Variants in SRPK2 observed in about 807,000 individuals in gnomAD.
SRPK2 encodes SFRS protein kinase 2.
Under a neutral mutation model 90.8 loss-of-function variants are expected in SRPK2, and 21 were observed. The observed-to-expected ratio is 0.23, with a 90% CI of 0.16 to 0.33. SRPK2 has a LOEUF of 0.33. Among genes scored for constraint, SRPK2 ranks in the 10% least tolerant of loss-of-function variants. The pLI is 1.00. For missense variants in SRPK2, 620 were observed against 869.0 expected (o/e 0.71, Z 3.60); for synonymous variants, 288 against 311.1 (o/e 0.93, Z 0.78).
At chr7:105,363,993 A>C (rs1017041633) in intron 2 of SRPK2, among the ~76,000 whole-genome samples, 1 of 144,122 alleles carries the variant, frequency 6.9e-6, no homozygotes, top group African/African-American at 2.5e-5. Context: ...ATGAGAACAC[A>C]TGGACACAGG....
chr7:105,348,658 G>C (rs1181202203), intron 2 of SRPK2, among the ~76,000 whole-genome samples: 1 of 150,856 alleles, frequency 6.6e-6, no homozygotes, highest in Non-Finnish European at 1.5e-5. Flanking sequence ...ACTGACCTCA[G>C]GTGATCCAAC....
At chr7:105,346,861 A>AG in intron 2 of SRPK2, among the ~76,000 whole-genome samples, 1 of 151,588 alleles carries the variant, frequency 6.6e-6, no homozygotes, top group African/African-American at 2.4e-5. Flanking sequence ...ATTTGTTAAA[A>AG]AAAAAAAAAA....
At chr7:105,118,474 T>C (rs1017798345) in intron 15 of SRPK2, among the ~76,000 whole-genome samples, 4 of 152,342 alleles carry the variant, frequency 2.6e-5, no homozygotes, top group South Asian at 4.1e-4. Flanking sequence ...CTTGAAGTTA[T>C]ACTTCACAAA....
intron 3 of SRPK2, among the ~76,000 whole-genome samples, chr7:105,182,931 A>G (rs932257132): frequency 2.0e-5 from 3 of 152,342 alleles, no homozygotes; most frequent in African/African-American, 7.2e-5. Flanking sequence ...AGGGGAAAAA[A>G]AAATCATATT....
chr7:105,204,738 G>T, intron 2 of SRPK2: 1 of 675,542 alleles, frequency 1.5e-6, no homozygotes, highest in South Asian at 1.5e-5. Context: ...ATTGTGGTCT[G>T]GTTCTGGTCA....
At chr7:105,175,629 G>C (rs1026211389) in intron 3 of SRPK2, among the ~76,000 whole-genome samples, 4 of 152,114 alleles carry the variant, frequency 2.6e-5, no homozygotes, top group African/African-American at 9.7e-5. Flanking sequence ...TTTCGGGCCA[G>C]GCAGATTGGG....
At chr7:105,377,964 C>T (rs970033604) in intron 2 of SRPK2, among the ~76,000 whole-genome samples, 6 of 152,120 alleles carry the variant, frequency 3.9e-5, no homozygotes, top group Non-Finnish European at 5.9e-5. Context: ...GGCCTCTAAG[C>T]AACTCCCCAC....
At position 105,242,466 on chromosome 7, in the gene SRPK2, C is replaced by T. The variant is rs1257941296; in HGVS notation, c.72-38681G>A. Among the ~76,000 whole-genome samples the T allele has an allele frequency of 1.1e-4, 16 of 152,114 alleles. 2 individuals are homozygous for T. Among genetic ancestry groups the T allele is most frequent in the Admixed American group, 1.0e-3 (16 of 15,270 alleles). On this transcript the variant is annotated intron_variant, in intron 2 of 15. Coordinates refer to ENST00000393651, the MANE Select transcript of SRPK2 (RefSeq NM_182692.3). The stretch of plus-strand genomic sequence containing the variant: ...GGCAGAGGTTGCAGTGAGCCAAGAT[C>T]ACCCCACTGCACTCCAGTCTGGCAA...
intron 2 of SRPK2, among the ~76,000 whole-genome samples, chr7:105,213,300 T>A (rs1298887510): frequency 6.6e-6 from 1 of 152,178 alleles, no homozygotes; most frequent in Non-Finnish European, 1.5e-5. Flanking sequence ...CCAAGCAGCA[T>A]AGAATACGGT....
At chr7:105,275,897 C>A (rs1288695027) in intron 2 of SRPK2, among the ~76,000 whole-genome samples, 1 of 152,132 alleles carries the variant, frequency 6.6e-6, no homozygotes, top group African/African-American at 2.4e-5. Flanking sequence ...TGACTTTTGT[C>A]AAGTGGAAAT....
rs1014795909 is a variant in SRPK2, at chr7:105,278,485, C to T, written c.72-74700G>A. On this transcript the variant is annotated intron_variant, in intron 2 of 15. Transcript: ENST00000393651. ...GGTCCGCAGTTCGAGACCAGCCTGG[C>T]CAACACGGTGAACCCCATCTCTAAT... is the stretch of plus-strand genomic sequence containing the variant. Among the ~76,000 whole-genome samples, 138 of 148,176 alleles carry T rather than the reference C, an allele frequency of 9.3e-4. 1 individual carries two copies. Among genetic ancestry groups the T allele is most frequent in the African/African-American group, 3.2e-3 (130 of 40,066 alleles).
At chr7:105,329,994 C>A (rs945308518) in intron 2 of SRPK2, among the ~76,000 whole-genome samples, 1 of 152,042 alleles carries the variant, frequency 6.6e-6, no homozygotes, top group African/African-American at 2.4e-5. Context: ...GAGATCACGT[C>A]CCGGCACTCC....
chr7:105,134,032 C>G (rs1012270157), intron 11 of SRPK2, among the ~76,000 whole-genome samples: 3 of 152,176 alleles, frequency 2.0e-5, no homozygotes, highest in Admixed American at 6.5e-5. Flanking sequence ...AAACCTCAGA[C>G]TGACCTACAA....
At chr7:105,254,735 G>A (rs915200424) in intron 2 of SRPK2, among the ~76,000 whole-genome samples, 1 of 152,032 alleles carries the variant, frequency 6.6e-6, no homozygotes, top group Non-Finnish European at 1.5e-5. Flanking sequence ...CGTCACCCAG[G>A]CTGGAGTGCA....
chr7:105,314,234 A>C (rs1812057927), intron 2 of SRPK2, among the ~76,000 whole-genome samples: 1 of 151,858 alleles, frequency 6.6e-6, no homozygotes, highest in African/African-American at 2.4e-5. Flanking sequence ...TGGGAGGTTG[A>C]GATATGAAAA....
At chr7:105,188,133 A>C (rs1793823863) in intron 3 of SRPK2, among the ~76,000 whole-genome samples, 2 of 152,288 alleles carry the variant, frequency 1.3e-5, no homozygotes, top group Non-Finnish European at 2.9e-5. Context: ...AATGTATATG[A>C]ACTGCTGTGA....
At chr7:105,303,256 T>C (rs534695395) in intron 2 of SRPK2, among the ~76,000 whole-genome samples, 11 of 152,048 alleles carry the variant, frequency 7.2e-5, no homozygotes, top group South Asian at 2.1e-4. Context: ...TAGGTGGGAA[T>C]TGAACAATGA....
chr7:105,387,715 T>C (rs1045095422), intron 2 of SRPK2, among the ~76,000 whole-genome samples: 1 of 152,184 alleles, frequency 6.6e-6, no homozygotes, highest in Non-Finnish European at 1.5e-5. Context: ...AGAGTATTCT[T>C]GCTCAAAAGA....
intron 2 of SRPK2, chr7:105,244,807 G>A: frequency 6.2e-6 from 6 of 972,954 alleles, no homozygotes; most frequent in East Asian, 4.8e-5. Context: ...GCTTCGCCCC[G>A]TACAAGCAGC....
Sources: allele counts gnomAD v4.1 joint callset (sites outside exome capture counted in the v4.1 genomes callset), GRCh38; gene constraint gnomAD v4.1.1; transcripts MANE v1.5; gene names NCBI Gene and HGNC (gene_info 2026-07-23, HGNC 2026-07-21).